The following DCAF5 variants were observed in gnomAD, a reference collection of about 807,000 sequenced individuals.
The protein encoded by DCAF5 is DDB1 and CUL4 associated factor 5, also known as DDB1- and CUL4-associated factor 5.
DCAF5 carries 9 observed loss-of-function variants against 80.7 expected under a neutral mutation model. The observed-to-expected ratio is 0.11, with a 90% confidence interval of 0.07 to 0.19. DCAF5 has a LOEUF of 0.19. Ranked by LOEUF, DCAF5 falls within the 10% of genes least tolerant of loss-of-function variation. The pLI is 1.00. For missense variants in DCAF5, 842 were observed against 1,205.7 expected (o/e 0.70, Z 4.47); for synonymous variants, 433 against 461.9 (o/e 0.94, Z 0.80).
At chr14:69,078,684 C>T (rs2038987043) in intron 6 of DCAF5, among the ~76,000 whole-genome samples, 1 of 152,108 alleles carries the variant, frequency 6.6e-6, no homozygotes, top group African/African-American at 2.4e-5. Flanking sequence ...ACTATATGAT[C>T]CTACTAGAGT....
intron 7 of DCAF5, among the ~76,000 whole-genome samples, chr14:69,067,833 C>T (rs1222111888): frequency 1.3e-5 from 2 of 152,058 alleles, no homozygotes; most frequent in Non-Finnish European, 2.9e-5. Context: ...GATGGGGTTT[C>T]GCCATGTTAG....
At chr14:69,116,541 GC>G in intron 4 of DCAF5, 46 bp from the exon 5 acceptor site, 2 of 1,591,818 alleles carry the variant, frequency 1.3e-6, no homozygotes, top group Non-Finnish European at 8.6e-7. Context: ...GTACCTGTGG[GC>G]CACTGGCAGG....
rs1464949991 is a variant in DCAF5 at position 69,085,132 on chromosome 14, C to T, written c.879+6542G>A. The T allele has an allele frequency of 7.7e-6, 6 of 779,232 alleles. No homozygotes were observed. The African/African-American group carries it at 1.0e-4, about 13-fold the overall frequency. The allele number at this position is 779,232 out of a possible 1,614,324, so 48.3% of individuals were successfully genotyped here. On this transcript the variant is annotated intron_variant, in intron 6 of 8. Transcript: ENST00000341516. ...AAGTCAGCTCAGGAAGCATATAAAT[C>T]ATACATACAAACCTACGATTCCCAT...
At chr14:69,089,372 T>A (rs2039453048) in intron 6 of DCAF5, 2 of 152,338 alleles carry the variant, frequency 1.3e-5, no homozygotes, top group Admixed American at 1.3e-4. Context: ...AACAGACTTT[T>A]AAGACTTTAA....
At chr14:69,090,778 C>CA (rs1021913770) in intron 6 of DCAF5, 2 of 251,666 alleles carry the variant, frequency 7.9e-6, no homozygotes, top group African/African-American at 4.4e-5. Flanking sequence ...AATTTTAAGT[C>CA]AAAATTTGAC....
intron 4 of DCAF5, 107 bp from the exon 5 acceptor site, chr14:69,116,602 T>C (rs751690218): frequency 3.9e-5 from 54 of 1,370,972 alleles, no homozygotes; most frequent in African/African-American, 1.2e-4. Context: ...TAATAACCAC[T>C]CCAACGGCCT....
At chr14:69,124,913 G>C (rs1325055000) in intron 1 of DCAF5, among the ~76,000 whole-genome samples, 1 of 151,902 alleles carries the variant, frequency 6.6e-6, no homozygotes, top group African/African-American at 2.4e-5. Flanking sequence ...TCTAGCAAAA[G>C]CAAAAAGTTA....
chr14:69,108,988 A>C (rs2040259606), intron 5 of DCAF5, among the ~76,000 whole-genome samples: 1 of 152,290 alleles, frequency 6.6e-6, no homozygotes, highest in Admixed American at 6.5e-5. Context: ...GTAGGGAAGA[A>C]GATAAATACC....
chr14:69,116,555 G>A (rs988300901), intron 4 of DCAF5, 60 bp from the exon 5 acceptor site: 6 of 1,583,278 alleles, frequency 3.8e-6, no homozygotes, highest in Admixed American at 1.7e-5. Context: ...CTGGCAGGCA[G>A]ATAATCAGGA....
intron 7 of DCAF5, among the ~76,000 whole-genome samples, chr14:69,065,379 G>A (rs1256610486): frequency 1.3e-5 from 2 of 152,176 alleles, no homozygotes; most frequent in Non-Finnish European, 2.9e-5. Context: ...ACAGGCGTGA[G>A]CCACCACACC....
At chr14:69,075,804 ATATC>A (rs2038876602) in intron 6 of DCAF5, among the ~76,000 whole-genome samples, 1 of 152,142 alleles carries the variant, frequency 6.6e-6, no homozygotes, top group African/African-American at 2.4e-5. Flanking sequence ...GATTTTTAAT[ATATC>A]TATCTGTACA....
At chr14:69,075,436 TAAC>T in intron 6 of DCAF5, 25 bp from the exon 7 acceptor site, 1 of 1,363,902 alleles carries the variant, frequency 7.3e-7, no homozygotes, top group Non-Finnish European at 1.0e-6. Context: ...AATATATAGA[TAAC>T]ATTATATATT....
At chr14:69,151,128 C>A (rs147856787) in intron 1 of DCAF5, among the ~76,000 whole-genome samples, 180 of 152,216 alleles carry the variant, frequency 1.2e-3, no homozygotes, top group African/African-American at 4.0e-3. Context: ...AAGAGGTCTT[C>A]CCCCATTTTT....
intron 6 of DCAF5, 24 bp from the exon 7 acceptor site, chr14:69,075,435 A>G: frequency 7.3e-7 from 1 of 1,368,826 alleles, no homozygotes; most frequent in Non-Finnish European, 1.0e-6. Flanking sequence ...AAATATATAG[A>G]TAACATTATA....
At chr14:69,140,286 G>C (rs8005658) in intron 1 of DCAF5, among the ~76,000 whole-genome samples, 46,267 of 151,672 alleles carry the variant, frequency 0.31, 9,401 homozygotes, top group East Asian at 0.91. Flanking sequence ...GAGAGAGAGA[G>C]AGAGAAGACA....
intron 1 of DCAF5, among the ~76,000 whole-genome samples, chr14:69,146,350 T>C (rs2041537181): frequency 6.6e-6 from 1 of 152,218 alleles, no homozygotes; most frequent in African/African-American, 2.4e-5. Context: ...GGCATAAATC[T>C]AAATTTGCCA....
intron 1 of DCAF5, among the ~76,000 whole-genome samples, chr14:69,127,449 A>G (rs1265260397): frequency 2.0e-5 from 3 of 152,248 alleles, no homozygotes; most frequent in Non-Finnish European, 4.4e-5. Context: ...AAAATCATGG[A>G]GACAACAAAA....
At chr14:69,129,426 G>A (rs1211840725) in intron 1 of DCAF5, among the ~76,000 whole-genome samples, 2 of 152,132 alleles carry the variant, frequency 1.3e-5, no homozygotes, top group Non-Finnish European at 2.9e-5. Flanking sequence ...ATGTAAAACC[G>A]TTAGGCTGCT....
intron 1 of DCAF5, among the ~76,000 whole-genome samples, chr14:69,132,346 T>C (rs1273793830): frequency 6.6e-6 from 1 of 152,202 alleles, no homozygotes; most frequent in Non-Finnish European, 1.5e-5. Flanking sequence ...CTAATGGGTG[T>C]GAAATGTTTG....
Sources: gnomAD v4.1 joint callset for allele counts (sites outside exome capture counted in the v4.1 genomes callset) on GRCh38, gnomAD v4.1.1 for gene constraint, MANE v1.5 for transcripts, NCBI Gene and HGNC (gene_info 2026-07-23, HGNC 2026-07-21) for gene names.